NPY: variants seen among roughly 807,000 people sequenced by gnomAD.
NPY encodes pro-neuropeptide Y.
Under a neutral mutation model 13.2 loss-of-function variants are expected in NPY, and 11 were observed. The observed-to-expected ratio is 0.83, with a 90% CI of 0.52 to 1.38. NPY has a LOEUF of 1.38. Ranked by LOEUF, NPY falls within the 40% of genes most tolerant of loss-of-function variation. NPY has a pLI of 0.00. For synonymous variants in NPY, 51 were observed against 55.6 expected (o/e 0.92, Z 0.37); for missense variants, 109 against 125.1 (o/e 0.87, Z 0.61).
chr7:24,288,215 G>A (rs376929416), intron 2 of NPY, among the ~76,000 whole-genome samples: 26 of 152,256 alleles, frequency 1.7e-4, no homozygotes, highest in East Asian at 9.6e-4. Flanking sequence ...AGACTTTTAC[G>A]ATTAGTAAAA....
At chr7:24,286,003 T>C (rs764436694) in intron 2 of NPY, among the ~76,000 whole-genome samples, 8 of 152,240 alleles carry the variant, frequency 5.3e-5, no homozygotes, top group Non-Finnish European at 1.2e-4. Context: ...CTCACTCCCA[T>C]ATTTGAAAAT....
At position 24,285,136 on chromosome 7, in the gene NPY, C is replaced by T. The variant is rs568363803; in HGVS notation, c.1-105C>T. 1.1e-5 allele frequency: 13 copies of T among 1,162,460 alleles called. No individual in the cohort carries two copies. Among genetic ancestry groups the T allele is most frequent in the Non-Finnish European group, 1.6e-5 (13 of 788,932 alleles). The allele number at this position is 1,162,460 out of a possible 1,614,324, so 72.0% of individuals were successfully genotyped here. On this transcript the variant is annotated intron_variant, in intron 1 of 3. Coordinates refer to ENST00000242152, the MANE Select transcript of NPY (RefSeq NM_000905.4). This position sits in a 1 kb window ranked among gnomAD's most constrained non-coding sequence, Gnocchi z 4.9. ...ACTGGGACGAGAGCGGATTGGGGGT[C>T]GCGTGTGGTAGCAGGAGGAGGAGCG...
Position 24,285,374 on chromosome 7 carries a change from T to A in NPY, c.134T>A (p.Met45Lys). The change falls in exon 2 of 4, where the codon ATG becomes AAG. Residue 45 changes from methionine to lysine, a missense_variant. By Grantham distance (95) the Met-to-Lys change is moderately conservative. Transcript: ENST00000242152. The surrounding 1 kb of genome is among the most constrained non-coding windows in gnomAD (Gnocchi z 4.9). ...NPGEDAPAED[M>K]ARYYSALRHY... Reference sequence around the variant, plus strand: ...GGCGAGGACGCACCAGCGGAGGACATGGCCAGATACTACTCGGCGCTGCGA... The same window carrying A: ...GGCGAGGACGCACCAGCGGAGGACAAGGCCAGATACTACTCGGCGCTGCGA... The A allele has an allele frequency of 6.2e-7, 1 of 1,614,014 alleles. No individual in the cohort carries two copies. Among genetic ancestry groups the A allele is most frequent in the Non-Finnish European group, 8.5e-7 (1 of 1,180,016 alleles).
In NPY at chr7:24,285,376, G is replaced by T. The variant is rs915506736; in HGVS notation, c.136G>T (p.Ala46Ser). Residue 46 changes from alanine (A) to serine (S), a missense_variant, in exon 2 of 4, where the codon GCC (alanine) becomes TCC (serine). By Grantham distance (99) the Ala-to-Ser change is moderately conservative. Transcript: ENST00000242152. The surrounding 1 kb of genome is among the most constrained non-coding windows in gnomAD (Gnocchi z 4.9). ...PGEDAPAEDM[A>S]RYYSALRHYI... ...CGAGGACGCACCAGCGGAGGACATGGCCAGATACTACTCGGCGCTGCGACA... is the reference window on the plus strand; with the variant it reads ...CGAGGACGCACCAGCGGAGGACATGTCCAGATACTACTCGGCGCTGCGACA... 108 of 1,613,904 alleles carry T rather than the reference G, an allele frequency of 6.7e-5. No homozygotes were observed. Among genetic ancestry groups the T allele is most frequent in the Non-Finnish European group, 8.4e-5 (99 of 1,180,028 alleles).
intron 1 of NPY, chr7:24,284,811 G>T (rs1183928395): frequency 1.8e-5 from 4 of 223,156 alleles, no homozygotes; most frequent in Admixed American, 1.6e-4. Flanking sequence ...GATCTCTGCT[G>T]TCAGCGTTGA....
At chr7:24,287,133 TCAC>T (rs1361947870) in intron 2 of NPY, among the ~76,000 whole-genome samples, 2 of 152,198 alleles carry the variant, frequency 1.3e-5, no homozygotes, top group Admixed American at 1.3e-4. Context: ...TTGGATGTTG[TCAC>T]CACCATCAAC....
At position 24,288,523 on chromosome 7, in the gene NPY, A is replaced by G. The variant is rs144853347; in HGVS notation, c.189-976A>G. ...TAAACAAAGTGGCGAATGGTGTCCA[A>G]TGCCTTTTCTGAGAAAGAGAAAAAT... On this transcript the variant is annotated intron_variant, in intron 2 of 3. Coordinates refer to ENST00000242152, the MANE Select transcript of NPY (RefSeq NM_000905.4). 1.9e-3 allele frequency among the ~76,000 whole-genome samples: 291 copies of G among 152,260 alleles called. 1 individual carries two copies. Among genetic ancestry groups the G allele is most frequent in the Non-Finnish European group, 2.7e-3 (187 of 68,006 alleles).
At chr7:24,289,873 T>A (rs892910557) in intron 3 of NPY, among the ~76,000 whole-genome samples, 2 of 152,174 alleles carry the variant, frequency 1.3e-5, no homozygotes, top group African/African-American at 4.8e-5. Context: ...TTTCTAACAT[T>A]GTTGGAGTCA....
At chr7:24,290,405 TAAACCAAGTTCTACAATGTCAA>T (rs1787557221) in intron 3 of NPY, among the ~76,000 whole-genome samples, 1 of 152,242 alleles carries the variant, frequency 6.6e-6, no homozygotes, top group African/African-American at 2.4e-5. Context: ...TTGGCTGCCT[TAAACCAAGTTCTACAATGTCAA>T]GAACCAAGTT....
At chr7:24,290,430 A>G (rs537625443) in intron 3 of NPY, among the ~76,000 whole-genome samples, 1 of 152,052 alleles carries the variant, frequency 6.6e-6, no homozygotes, top group Admixed American at 6.5e-5. Flanking sequence ...AATGTCAAGA[A>G]CCAAGTTCCC....
intron 2 of NPY, among the ~76,000 whole-genome samples, chr7:24,287,255 CAG>C (rs1475703025): frequency 4.6e-5 from 7 of 152,176 alleles, no homozygotes; most frequent in African/African-American, 1.4e-4. Context: ...GTCTCTGAGG[CAG>C]AGTTTCCTGT....
At position 24,291,820 on chromosome 7, in the gene NPY, A is replaced by G. The variant is rs1253220727; in HGVS notation, c.*133A>G. 3.2e-6 allele frequency: 3 copies of G among 932,274 alleles called. No individual in the cohort carries two copies. Among genetic ancestry groups the G allele is most frequent in the Admixed American group, 2.0e-5 (1 of 49,592 alleles). 57.8% of individuals were successfully genotyped at this position (932,274 alleles called of 1,614,324 possible). A position where few individuals can be genotyped will look rare whatever the true frequency, so the allele number is the denominator to read the frequency against. ...TTCTGCAATGTTTTCCTTTGTCATC[A>G]TTGTATATATGTGTGTTTAAATAAA... On this transcript the variant is annotated 3_prime_UTR_variant, in exon 4 of 4. Coordinates refer to ENST00000242152, the MANE Select transcript of NPY (RefSeq NM_000905.4).
In NPY at chr7:24,285,072, G is replaced by A. The variant is rs1787308282; in HGVS notation, c.1-169G>A. ...CCCGACCGGACGGCGCCCGGAGCCCGCAAGGTGGTGCTAGCCACTCCTGGG... is the reference window on the plus strand; with the variant it reads ...CCCGACCGGACGGCGCCCGGAGCCCACAAGGTGGTGCTAGCCACTCCTGGG... On this transcript the variant is annotated intron_variant, in intron 1 of 3. Coordinates refer to ENST00000242152, the MANE Select transcript of NPY (RefSeq NM_000905.4). The surrounding 1 kb of genome is among the most constrained non-coding windows in gnomAD (Gnocchi z 4.9). 4.4e-6 allele frequency: 3 copies of A among 688,726 alleles called. No homozygotes were observed. Among genetic ancestry groups the A allele is most frequent in the South Asian group, 1.8e-5 (1 of 54,650 alleles). 42.7% of individuals were successfully genotyped at this position (688,726 alleles called of 1,614,324 possible).
chr7:24,290,775 A>T (rs11765363), intron 3 of NPY, among the ~76,000 whole-genome samples: 94 of 129,632 alleles, frequency 7.3e-4, no homozygotes, highest in African/African-American at 1.7e-3. Flanking sequence ...TAATAATAAT[A>T]ATTATTATTA....
intron 2 of NPY, among the ~76,000 whole-genome samples, chr7:24,286,473 T>C (rs1254337220): frequency 2.0e-5 from 3 of 152,186 alleles, no homozygotes; most frequent in African/African-American, 4.8e-5. Context: ...GTTTAAAGTA[T>C]TGTGGGGTTT....
intron 3 of NPY, among the ~76,000 whole-genome samples, chr7:24,291,370 G>C (rs1386143738): frequency 6.6e-6 from 1 of 152,204 alleles, no homozygotes; most frequent in African/African-American, 2.4e-5. Flanking sequence ...ATTTTCAAAA[G>C]ATCGGGGTGT....
chr7:24,290,848 C>A (rs1047892559), intron 3 of NPY, among the ~76,000 whole-genome samples: 1 of 150,912 alleles, frequency 6.6e-6, no homozygotes, highest in African/African-American at 2.4e-5. Flanking sequence ...AATCAAAGAT[C>A]ACTGCAGCCT....
chr7:24,291,518 C>T (rs1583577929), intron 3 of NPY, 145 bp from the exon 4 acceptor site: 2 of 854,852 alleles, frequency 2.3e-6, no homozygotes, highest in Non-Finnish European at 3.7e-6. Context: ...TGATATTCCA[C>T]ATGGCTTCTT....
chr7:24,288,773 G>A (rs1008647934), intron 2 of NPY, among the ~76,000 whole-genome samples: 5 of 151,780 alleles, frequency 3.3e-5, no homozygotes, highest in African/African-American at 9.7e-5. Flanking sequence ...CACAGCATTA[G>A]GAAAGACTTT....
Sources: allele counts gnomAD v4.1 joint callset (sites outside exome capture counted in the v4.1 genomes callset), GRCh38; gene constraint gnomAD v4.1.1; non-coding constraint Gnocchi (gnomAD v3.1); transcripts MANE v1.5; gene names NCBI Gene and HGNC (gene_info 2026-07-23, HGNC 2026-07-21).